Variants in HERC1 observed in about 807,000 individuals in gnomAD.
The protein encoded by HERC1 is HECT and RLD domain containing E3 ubiquitin protein ligase family member 1.
In HERC1, 160 loss-of-function variants were observed where a neutral mutation model predicts 554.3. That is an observed-to-expected ratio of 0.29 (90% confidence interval 0.25 to 0.33). The LOEUF is 0.33. Ranked by LOEUF, HERC1 falls within the 10% of genes least tolerant of loss-of-function variation. The pLI is 1.00. For missense variants in HERC1, 4,919 were observed against 5,918.5 expected, an observed-to-expected ratio of 0.83 and a Z score of 5.54; for synonymous variants, 2,175 against 2,131.7, an observed-to-expected ratio of 1.02 and a Z score of -0.56.
chr15:63,705,009 A>AT (rs974888651), intron 25 of HERC1, among the ~76,000 whole-genome samples: 29 of 152,094 alleles, frequency 1.9e-4, no homozygotes, highest in African/African-American at 2.4e-5. Flanking sequence ...AAGTGCTGGG[A>AT]TTACAGGCAT....
intron 1 of HERC1, among the ~76,000 whole-genome samples, chr15:63,827,773 G>C (rs2077991836): frequency 6.6e-6 from 1 of 152,186 alleles, no homozygotes; most frequent in East Asian, 1.9e-4. Flanking sequence ...ACAAAATGTA[G>C]TATATTCACA....
chr15:63,740,784 T>C (rs2074765733), intron 12 of HERC1, among the ~76,000 whole-genome samples: 1 of 152,208 alleles, frequency 6.6e-6, no homozygotes, highest in Non-Finnish European at 1.5e-5. Flanking sequence ...GTCTTTTTTA[T>C]TGTTGAGCTG....
intron 25 of HERC1, among the ~76,000 whole-genome samples, chr15:63,701,509 G>A (rs2072722661): frequency 1.3e-5 from 2 of 152,160 alleles, no homozygotes; most frequent in African/African-American, 4.8e-5. Context: ...AGGTCTCTGT[G>A]ACAACTACAC....
Position 63,686,443 on chromosome 15 carries a change from A to C in HERC1, c.6141T>G (p.Asn2047Lys), listed in dbSNP as rs754632241. The C allele has an allele frequency of 1.2e-6, 2 of 1,613,840 alleles. No individual in the cohort carries two copies. Among genetic ancestry groups the C allele is most frequent in the Admixed American group, 1.7e-5 (1 of 60,014 alleles). ...PEKAQCCLVE[N>K]GQILTHGSGG... ...CACTGCCGTGAGTTAAAATCTGTCCATTCTCCACTAGGCAACACTGAGCTT... is the reference window on the plus strand; with the variant it reads ...CACTGCCGTGAGTTAAAATCTGTCCCTTCTCCACTAGGCAACACTGAGCTT... The change falls in exon 34 of 78, where the codon AAT becomes AAG. Residue 2047 changes from asparagine (N) to lysine (K), a missense_variant. Coordinates refer to ENST00000443617, the MANE Select transcript of HERC1 (RefSeq NM_003922.4).
chr15:63,689,891 C>T (rs967667033), intron 32 of HERC1, among the ~76,000 whole-genome samples, 192 bp from the exon 33 acceptor site: 2 of 152,012 alleles, frequency 1.3e-5, no homozygotes, highest in Non-Finnish European at 2.9e-5. Context: ...AAGCCAGGCA[C>T]GGTGGCTCAT....
intron 1 of HERC1, among the ~76,000 whole-genome samples, chr15:63,776,385 G>A (rs1019468912): frequency 1.3e-5 from 2 of 152,116 alleles, no homozygotes; most frequent in Admixed American, 1.3e-4. Flanking sequence ...CTAGTTCCCT[G>A]AGCCAAAAAC....
rs2068187879 is a variant in HERC1, at chr15:63,623,844, C to T, written c.13492G>A (p.Val4498Ile). 1.2e-6 allele frequency: 2 copies of T among 1,614,022 alleles called. No individual in the cohort carries two copies. Among genetic ancestry groups the T allele is most frequent in the Non-Finnish European group, 1.7e-6 (2 of 1,179,888 alleles). The change falls in exon 73 of 78, where the codon GTT (valine) becomes ATT (isoleucine). Residue 4498 changes from valine to isoleucine, a missense_variant. Transcript: ENST00000443617. The stretch of plus-strand genomic sequence containing the variant: ...CGGAGGTCTGAAGCATTCAGCTTAA[C>T]TACTTGTCTCGCTATTTGGACAAAA... Reference protein sequence around the residue: ...PIFVQIARQVVKLNASDLRLP... With the variant: ...PIFVQIARQVIKLNASDLRLP...
At chr15:63,614,074 ACACT>A (rs199687563) in intron 76 of HERC1, among the ~76,000 whole-genome samples, 8,941 of 152,250 alleles carry the variant, frequency 0.059, 306 homozygotes, top group Non-Finnish European at 0.072. Context: ...TATGGGATAA[ACACT>A]CAGTTCTAAG....
chr15:63,754,917 C>T (rs2075370845), intron 6 of HERC1, among the ~76,000 whole-genome samples: 1 of 152,116 alleles, frequency 6.6e-6, no homozygotes, highest in Admixed American at 6.6e-5. Context: ...CTGTTTCATG[C>T]TCATGTTGAC....
chr15:63,790,514 C>T (rs1371972429), intron 1 of HERC1, among the ~76,000 whole-genome samples: 1 of 151,972 alleles, frequency 6.6e-6, no homozygotes, highest in African/African-American at 2.4e-5. Context: ...GGAGGCGGAG[C>T]TTGCAGTGAG....
chr15:63,814,644 T>C (rs2077434500), intron 1 of HERC1, among the ~76,000 whole-genome samples: 2 of 152,124 alleles, frequency 1.3e-5, no homozygotes, highest in Admixed American at 6.5e-5. Context: ...AGTTTTTGTA[T>C]TTTTAGTAGA....
intron 1 of HERC1, among the ~76,000 whole-genome samples, chr15:63,802,108 CA>C (rs1357828646): frequency 6.6e-6 from 1 of 152,046 alleles, no homozygotes; most frequent in East Asian, 1.9e-4. Context: ...AGCCCATTTG[CA>C]AAGTTCTATA....
chr15:63,621,771 G>C (rs1318383676), intron 74 of HERC1, among the ~76,000 whole-genome samples: 2 of 152,090 alleles, frequency 1.3e-5, no homozygotes, highest in African/African-American at 2.4e-5. Flanking sequence ...CTTTCTTCCA[G>C]TTGATCGAAT....
intron 44 of HERC1, among the ~76,000 whole-genome samples, chr15:63,662,528 C>A (rs1287013623): frequency 6.6e-6 from 1 of 152,106 alleles, no homozygotes; most frequent in East Asian, 1.9e-4. Context: ...ATGTACCTTG[C>A]CCCTAAATGG....
chr15:63,725,200 G>T, intron 18 of HERC1, 92 bp downstream of exon 18: 1 of 1,119,482 alleles, frequency 8.9e-7, no homozygotes, highest in Non-Finnish European at 1.3e-6. Context: ...ATTGGTGCCT[G>T]TCAGTTCTCT....
chr15:63,627,707 T>C (rs918198562), intron 70 of HERC1, among the ~76,000 whole-genome samples: 3 of 144,716 alleles, frequency 2.1e-5, no homozygotes, highest in African/African-American at 7.6e-5. Flanking sequence ...TGCCCAAATA[T>C]GAAGAAATGT....
intron 56 of HERC1, 115 bp from the exon 57 acceptor site, chr15:63,645,212 A>G: frequency 2.5e-6 from 2 of 806,894 alleles, no homozygotes; most frequent in Non-Finnish European, 4.1e-6. Context: ...TTTTAAACTT[A>G]TTTGTAGTAC....
chr15:63,720,984 A>C (rs2073793900), intron 19 of HERC1, among the ~76,000 whole-genome samples: 1 of 152,230 alleles, frequency 6.6e-6, no homozygotes, highest in Admixed American at 6.5e-5. Context: ...TACAGTGTAT[A>C]AGCAATACAA....
At chr15:63,777,025 T>C (rs942377301) in intron 1 of HERC1, among the ~76,000 whole-genome samples, 6 of 152,144 alleles carry the variant, frequency 3.9e-5, no homozygotes, top group South Asian at 2.1e-4. Context: ...TTACAAAATA[T>C]TGCAGGGAAG....
Sources: gnomAD v4.1 joint callset for allele counts (sites outside exome capture counted in the v4.1 genomes callset) on GRCh38, gnomAD v4.1.1 for gene constraint, MANE v1.5 for transcripts, NCBI Gene and HGNC (gene_info 2026-07-23, HGNC 2026-07-21) for gene names.